Variants in SSTR3 observed in about 807,000 individuals in gnomAD.
The protein encoded by SSTR3 is somatostatin receptor type 3.
For missense variants in SSTR3, 504 were observed against 604.7 expected (o/e 0.83, Z 1.75); for synonymous variants, 281 against 269.2 (o/e 1.04, Z -0.43).
chr22:37,207,999 C>T (rs1569080322), intron 1 of SSTR3, among the ~76,000 whole-genome samples, 160 bp from the exon 2 acceptor site: 1 of 152,172 alleles, frequency 6.6e-6, no homozygotes, highest in Non-Finnish European at 1.5e-5. Context: ...ATCTCATTCA[C>T]CCCGCACAGC....
At chr22:37,214,156 A>G (rs1926338871), upstream of SSTR3, among the ~76,000 whole-genome samples, 1 of 152,016 alleles carries the variant, frequency 6.6e-6, no homozygotes, top group South Asian at 2.1e-4. Context: ...CTCTCCATCC[A>G]CAGGCTCCCG....
intron 1 of SSTR3, among the ~76,000 whole-genome samples, chr22:37,210,306 CAT>C (rs1424175326): frequency 2.0e-5 from 3 of 152,110 alleles, no homozygotes; most frequent in Non-Finnish European, 4.4e-5. Flanking sequence ...CTGCCCAGCA[CAT>C]GTCTGTGCAC....
At chr22:37,219,172 G>A in the SSTR3 span, among the ~76,000 whole-genome samples, 2 of 152,178 alleles carry the variant, frequency 1.3e-5, no homozygotes, top group African/African-American at 4.8e-5. Context: ...GCGAGGAGGT[G>A]GGGGTGGAAA....
chr22:37,212,328 C>T lies in SSTR3; in HGVS notation c.-540G>A, dbSNP rs1003018223. ...TGAGAGATGCGTGACAGGGAGAAGA[C>T]GAGAAGGAAAGAGAGGAGAGGAGAC... On this transcript the variant is annotated 5_prime_UTR_variant, in exon 1 of 2. Transcript: ENST00000610913. 2.6e-4 allele frequency: 42 copies of T among 159,250 alleles called. No homozygotes were observed. Among genetic ancestry groups the T allele is most frequent in the Admixed American group, 1.1e-3 (16 of 14,718 alleles). The allele number at this position is 159,250 out of a possible 1,614,324, so 9.9% of individuals were successfully genotyped here. A position where few individuals can be genotyped will look rare whatever the true frequency, so the allele number is the denominator to read the frequency against.
Position 37,207,514 on chromosome 22 carries a change from AG to A in SSTR3, c.289del (p.Leu97CysfsTer38). 1 of 1,613,632 alleles carries A rather than the reference AG, an allele frequency of 6.2e-7. No homozygotes were observed. Among genetic ancestry groups the A allele is most frequent in the Non-Finnish European group, 8.5e-7 (1 of 1,179,986 alleles). On this transcript the variant is annotated frameshift_variant, in exon 2 of 2. Coordinates refer to ENST00000610913, the MANE Select transcript of SSTR3 (RefSeq NM_001051.5). LOFTEE classifies it low-confidence loss of function (END_TRUNC). ...ALADELFMLG[L>X]PFLAAQNALS... ...GGCGTTCTGGGCGGCCAGGAAGGGC[AG>A]CCCCAGCATGAAGAGCTCGTCGGCC...
chr22:37,206,561 T>A lies in SSTR3; in HGVS notation c.1243A>T (p.Ile415Phe), dbSNP rs368276792. 12 of 1,606,676 alleles carry A rather than the reference T, an allele frequency of 7.5e-6. No homozygotes were observed. In the African/African-American group the frequency reaches 1.5e-4, roughly 20 times the overall value. The change falls in exon 2 of 2, where the codon ATC (isoleucine) becomes TTC (phenylalanine). Residue 415 changes from isoleucine to phenylalanine, a missense_variant. Transcript: ENST00000610913. Reference sequence around the variant, plus strand: ...TCCCCAGGCCCCTACAGGTAGCTGATGCGCATCGTGCTGGACTTCTCCCCA... The same window carrying A: ...TCCCCAGGCCCCTACAGGTAGCTGAAGCGCATCGTGCTGGACTTCTCCCCA... ...STGEKSSTMR[I>F]SYL
chr22:37,206,610 C>A lies in SSTR3; in HGVS notation c.1194G>T (p.Gln398His). ...CAGTGGAAGCCTCTTGGGGTAGGAGCTGCTGCTCCTTGCTGGCCACTCTGC... is the reference window on the plus strand; with the variant it reads ...CAGTGGAAGCCTCTTGGGGTAGGAGATGCTGCTCCTTGCTGGCCACTCTGC... ...PPSRVASKEQ[Q>H]LLPQEASTGE... Residue 398 changes from glutamine (Q) to histidine (H), a missense_variant, in exon 2 of 2, where the codon CAG (glutamine) becomes CAT (histidine). Gln to His is a conservative substitution (Grantham distance 24). Transcript: ENST00000610913. 6.2e-7 allele frequency: 1 copy of A among 1,612,264 alleles called. No homozygotes were observed. Among genetic ancestry groups the A allele is most frequent in the Non-Finnish European group, 8.5e-7 (1 of 1,180,000 alleles).
intron 1 of SSTR3, among the ~76,000 whole-genome samples, chr22:37,208,802 C>G (rs1283814067): frequency 1.1e-4 from 16 of 152,334 alleles, no homozygotes. Flanking sequence ...GCTTTGGACC[C>G]TCCCCATTGC....
Position 37,206,612 on chromosome 22 carries a change from G to T in SSTR3, c.1192C>A (p.Gln398Lys), listed in dbSNP as rs367707990. 1.2e-6 allele frequency: 2 copies of T among 1,612,054 alleles called. No homozygotes were observed. The highest frequency in any genetic ancestry group is 1.7e-6 in the Non-Finnish European group (2 of 1,179,994). The change falls in exon 2 of 2, where the codon CAG becomes AAG. Residue 398 changes from glutamine (Q) to lysine (K), a missense_variant. Gln to Lys is a moderately conservative substitution (Grantham distance 53). Transcript: ENST00000610913. ...PPSRVASKEQ[Q>K]LLPQEASTGE... ...GTGGAAGCCTCTTGGGGTAGGAGCTGCTGCTCCTTGCTGGCCACTCTGCTG... is the reference window on the plus strand; with the variant it reads ...GTGGAAGCCTCTTGGGGTAGGAGCTTCTGCTCCTTGCTGGCCACTCTGCTG...
In SSTR3 at chr22:37,207,706, G is replaced by C. The variant is rs4988466; in HGVS notation, c.98C>G (p.Ala33Gly). Residue 33 changes from alanine to glycine, a missense_variant, in exon 2 of 2, where the codon GCG (alanine) becomes GGG (glycine). Transcript: ENST00000610913. ...GGCCAGCCCTGCCGGGCTTGGGCCC[G>C]CCGACACGTTGCCCAGGGTGGCATC... ...PPDATLGNVS[A>G]GPSPAGLAVS... 1.3e-6 allele frequency: 2 copies of C among 1,545,702 alleles called. 1 individual carries two copies. Among genetic ancestry groups the C allele is most frequent in the South Asian group, 2.5e-5 (2 of 80,942 alleles).
rs1926238203 is a variant in SSTR3, at chr22:37,212,249, G to A, written c.-461C>T. On this transcript the variant is annotated 5_prime_UTR_variant, in exon 1 of 2. Transcript: ENST00000610913. ...AAAGAGGGAGGGGGAGAGAGAGAGA[G>A]GGAGAGGGAGAGGAGACCGTGAGTA... The A allele has an allele frequency of 1.7e-6, 1 of 598,994 alleles. No individual in the cohort carries two copies. Among genetic ancestry groups the A allele is most frequent in the Non-Finnish European group, 2.1e-6 (1 of 477,106 alleles). 37.1% of individuals were successfully genotyped at this position (598,994 alleles called of 1,614,324 possible). A position where few individuals can be genotyped will look rare whatever the true frequency, so the allele number is the denominator to read the frequency against.
intron 1 of SSTR3, among the ~76,000 whole-genome samples, chr22:37,211,614 C>T (rs1221009951): frequency 6.6e-6 from 1 of 152,180 alleles, no homozygotes; most frequent in East Asian, 1.9e-4. Flanking sequence ...TTCTGTGATT[C>T]CGAGATCCTA....
Position 37,207,785 on chromosome 22 carries a change from A to C in SSTR3, c.19T>G (p.Ser7Ala). The change falls in exon 2 of 2, where the codon TCA becomes GCA. Residue 7 changes from serine to alanine, a missense_variant. Coordinates refer to ENST00000610913, the MANE Select transcript of SSTR3 (RefSeq NM_001051.5). MDMLHP[S>A]SVSTTSEPEN... Reference sequence around the variant, plus strand: ...GGTTCTGAGGTCGTGGACACCGATGATGGATGAAGCATGTCCATGGCTGAG... The same window carrying C: ...GGTTCTGAGGTCGTGGACACCGATGCTGGATGAAGCATGTCCATGGCTGAG... The C allele has an allele frequency of 6.6e-7, 1 of 1,511,474 alleles. No homozygotes were observed. The highest frequency in any genetic ancestry group is 8.9e-7 in the Non-Finnish European group (1 of 1,129,656). 93.6% of individuals were successfully genotyped at this position (1,511,474 alleles called of 1,614,324 possible).
rs781097186 is a variant in SSTR3 at position 37,207,318 on chromosome 22, C to T, written c.486G>A (p.Thr162=). The change falls in exon 2 of 2, where the codon ACG becomes ACA. Residue 162 remains threonine, a synonymous_variant. Coordinates refer to ENST00000610913, the MANE Select transcript of SSTR3 (RefSeq NM_001051.5). The part of the protein sequence containing the change: ...ARWRTAPVAR[T]VSAAVWVASA... ...AGGCCACCCACACAGCCGCGCTGAC[C>T]GTGCGGGCCACCGGAGCTGTGCGCC... The T allele has an allele frequency of 8.1e-6, 13 of 1,595,500 alleles. No homozygotes were observed. Among genetic ancestry groups the T allele is most frequent in the Non-Finnish European group, 1.1e-5 (13 of 1,170,172 alleles).
Position 37,207,865 on chromosome 22 carries a change from C to T in SSTR3, c.-36-26G>A, listed in dbSNP as rs190099143. 1.8e-5 allele frequency: 26 copies of T among 1,454,958 alleles called. No homozygotes were observed. In the East Asian group the frequency reaches 5.9e-4, roughly 33 times the overall value. The allele number at this position is 1,454,958 out of a possible 1,614,324, so 90.1% of individuals were successfully genotyped here. On this transcript the variant is annotated intron_variant, in intron 1 of 1. Coordinates refer to ENST00000610913, the MANE Select transcript of SSTR3 (RefSeq NM_001051.5). ...CTGGGGGAAGGAAAAACAGCTCGGT[C>T]ACAGCAGAGAATGGCTTTCTCTGTG...
In SSTR3 at chr22:37,204,876, G is replaced by A. The variant is rs986978783; in HGVS notation, c.*1671C>T. 3 of 152,284 alleles carry A rather than the reference G, an allele frequency of 2.0e-5. No individual in the cohort carries two copies. Among genetic ancestry groups the A allele is most frequent in the Non-Finnish European group, 4.4e-5 (3 of 68,088 alleles). 9.4% of individuals were successfully genotyped at this position (152,284 alleles called of 1,614,324 possible). A position where few individuals can be genotyped will look rare whatever the true frequency, so the allele number is the denominator to read the frequency against. ...TGAAGATCCAAGTCTCCAAAAGTCT[G>A]GTTCCTGTGCTTTCCCTGAGGACCC... is the stretch of plus-strand genomic sequence containing the variant. On this transcript the variant is annotated 3_prime_UTR_variant, in exon 2 of 2. Coordinates refer to ENST00000610913, the MANE Select transcript of SSTR3 (RefSeq NM_001051.5).
At chr22:37,217,933 G>A in the SSTR3 span, among the ~76,000 whole-genome samples, 2 of 152,068 alleles carry the variant, frequency 1.3e-5, no homozygotes, top group African/African-American at 4.8e-5. Flanking sequence ...CAAACTCCTG[G>A]CCTCAAGCAA....
In SSTR3 at chr22:37,207,073, G is replaced by A. The variant is rs201384387; in HGVS notation, c.731C>T (p.Ser244Leu). 20 of 1,612,168 alleles carry A rather than the reference G, an allele frequency of 1.2e-5. No homozygotes were observed. Among genetic ancestry groups the A allele is most frequent in the Middle Eastern group, 1.7e-4 (1 of 6,058 alleles). ...RSAGRRVWAP[S>L]CQRRRRSERR... The stretch of plus-strand genomic sequence containing the variant: ...TTCGGAGCGCCGCCGCCGCTGGCAC[G>A]AGGGTGCCCACACCCGGCGCCCAGC... The change falls in exon 2 of 2, where the codon TCG becomes TTG. Residue 244 changes from serine to leucine, a missense_variant. Coordinates refer to ENST00000610913, the MANE Select transcript of SSTR3 (RefSeq NM_001051.5).
In SSTR3 at chr22:37,206,843, T is replaced by C. The variant is rs1475399498; in HGVS notation, c.961A>G (p.Lys321Glu). 1 of 1,613,036 alleles carries C rather than the reference T, an allele frequency of 6.2e-7. No homozygotes were observed. Among genetic ancestry groups the C allele is most frequent in the African/African-American group, 1.3e-5 (1 of 74,914 alleles). ...ILYGFLSYRF[K>E]QGFRRVLLRP... ...AGCAGGACCCTGCGGAAGCCCTGCT[T>C]GAAGCGGTAGGAGAGGAAGCCATAA... Residue 321 changes from lysine to glutamate, a missense_variant, in exon 2 of 2, where the codon AAG becomes GAG. Physicochemically the swap from Lys to Glu is moderately conservative, Grantham distance 56. Transcript: ENST00000610913.
Sources: gnomAD v4.1 joint callset for allele counts (sites outside exome capture counted in the v4.1 genomes callset) on GRCh38, gnomAD v4.1.1 for gene constraint, MANE v1.5 for transcripts, NCBI Gene and HGNC (gene_info 2026-07-23, HGNC 2026-07-21) for gene names.